DUSP10: variants seen among roughly 807,000 people sequenced by gnomAD.
DUSP10 encodes the protein dual specificity protein phosphatase 10.
In DUSP10, 14 loss-of-function variants were observed where a neutral mutation model predicts 30.8. The observed-to-expected ratio is 0.46, with a 90% CI of 0.30 to 0.71. The LOEUF (loss-of-function observed/expected upper bound fraction) is 0.71. Ranked by LOEUF, DUSP10 falls within the 30% of genes least tolerant of loss-of-function variation. The pLI is 0.08. For missense variants in DUSP10, 550 were observed against 619.4 expected (o/e 0.89, Z 1.19); for synonymous variants, 254 against 250.4 (o/e 1.01, Z -0.14).
chr1:221,738,902 G>C, intron 2 of DUSP10, 32 bp downstream of exon 2: 1 of 1,567,156 alleles, frequency 6.4e-7, no homozygotes. Flanking sequence ...GGCTAATCAG[G>C]ACCGTGCTTG....
intron 3 of DUSP10, among the ~76,000 whole-genome samples, chr1:221,705,439 C>T (rs1175651778): frequency 1.3e-5 from 2 of 152,152 alleles, no homozygotes; most frequent in East Asian, 3.8e-4. Flanking sequence ...CAGTTTGGGG[C>T]TATAGAAGTT....
intron 2 of DUSP10, among the ~76,000 whole-genome samples, chr1:221,731,157 A>C (rs1661578912): frequency 6.6e-6 from 1 of 152,224 alleles, no homozygotes; most frequent in African/African-American, 2.4e-5. Context: ...TGAGGGATTC[A>C]AATCTTCCTC....
intron 2 of DUSP10, among the ~76,000 whole-genome samples, chr1:221,707,689 G>A (rs1458917781): frequency 6.6e-6 from 1 of 151,948 alleles, no homozygotes; most frequent in Non-Finnish European, 1.5e-5. Flanking sequence ...AAAAGGCCAA[G>A]TAAAACACAA....
rs186085197 is a variant in DUSP10, at chr1:221,705,715, C to T, written c.1183+380G>A. 7.9e-4 allele frequency among the ~76,000 whole-genome samples: 121 copies of T among 152,290 alleles called. 1 individual carries two copies. Among genetic ancestry groups the T allele is most frequent in the Non-Finnish European group, 1.3e-3 (87 of 68,020 alleles). On this transcript the variant is annotated intron_variant, in intron 3 of 3. Coordinates refer to ENST00000366899, the MANE Select transcript of DUSP10 (RefSeq NM_007207.6). ...TAGATATTGCTTCCAAGGTGCTCAACGGCGCTAGTAGATCAAGTAGCAGTA... is the reference window on the plus strand; with the variant it reads ...TAGATATTGCTTCCAAGGTGCTCAATGGCGCTAGTAGATCAAGTAGCAGTA...
chr1:221,706,716 C>G lies in DUSP10; in HGVS notation c.812-250G>C, dbSNP rs867498886. ...GGAACACTTTGGAAATGTGCTCTTT[C>G]TACAAATGAGGGCATGTTCCCCTAG... On this transcript the variant is annotated intron_variant, in intron 2 of 3. Coordinates refer to ENST00000366899, the MANE Select transcript of DUSP10 (RefSeq NM_007207.6). This position sits in a 1 kb window ranked among gnomAD's most constrained non-coding sequence, Gnocchi z 4.6. Among the ~76,000 whole-genome samples, 9 of 152,290 alleles carry G rather than the reference C, an allele frequency of 5.9e-5. No individual in the cohort carries two copies. In the South Asian group the frequency reaches 6.2e-4, roughly 11 times the overall value.
chr1:221,736,990 C>T (rs1661794409), intron 2 of DUSP10: 1 of 985,498 alleles, frequency 1.0e-6, no homozygotes, highest in Non-Finnish European at 1.2e-6. Flanking sequence ...CTTACTCTGA[C>T]ACTGAGGAAG....
At chr1:221,727,359 A>T (rs766259921) in intron 2 of DUSP10, among the ~76,000 whole-genome samples, 2 of 152,240 alleles carry the variant, frequency 1.3e-5, no homozygotes, top group Non-Finnish European at 2.9e-5. Context: ...AGGATTATAT[A>T]CTGGTTGGGC....
chr1:221,737,584 A>G (rs1661815665), intron 2 of DUSP10: 2 of 497,216 alleles, frequency 4.0e-6, no homozygotes, highest in Non-Finnish European at 5.2e-6. Context: ...CTCTCTACAT[A>G]CAATTCTTTC....
intron 2 of DUSP10, 111 bp downstream of exon 2, chr1:221,738,823 C>T: frequency 7.4e-7 from 1 of 1,343,856 alleles, no homozygotes; most frequent in Non-Finnish European, 1.0e-6. Flanking sequence ...AGAATAAAGT[C>T]TATTTTGGTC....
chr1:221,722,403 T>C (rs1490401475), intron 2 of DUSP10, among the ~76,000 whole-genome samples: 1 of 152,232 alleles, frequency 6.6e-6, no homozygotes, highest in African/African-American at 2.4e-5. Flanking sequence ...CCACAGTCAA[T>C]GAGTGGCAGA....
In DUSP10 at chr1:221,739,333, A is replaced by G. The variant is rs139403142; in HGVS notation, c.412T>C (p.Ser138Pro). The part of the protein sequence containing the change: ...SPSSGVGSPV[S>P]GTPKQLASIK... ...CTGGCTAGCTGCTTGGGGGTCCCTGACACAGGGCTGCCCACCCCACTTGAT... is the reference window on the plus strand; with the variant it reads ...CTGGCTAGCTGCTTGGGGGTCCCTGGCACAGGGCTGCCCACCCCACTTGAT... The change falls in exon 2 of 4, where the codon TCA becomes CCA. Residue 138 changes from serine to proline, a missense_variant. Physicochemically the swap from Ser to Pro is moderately conservative, Grantham distance 74. Coordinates refer to ENST00000366899, the MANE Select transcript of DUSP10 (RefSeq NM_007207.6). 36 of 1,614,068 alleles carry G rather than the reference A, an allele frequency of 2.2e-5. No individual in the cohort carries two copies. The African/African-American group carries it at 4.5e-4, about 20-fold the overall frequency.
At chr1:221,711,926 G>A (rs1660948064) in intron 2 of DUSP10, 1 of 152,248 alleles carries the variant, frequency 6.6e-6, no homozygotes, top group Admixed American at 6.5e-5. Context: ...ATGAACTGGA[G>A]CTGATGTCAG....
chr1:221,726,700 A>AG (rs1437163824), intron 2 of DUSP10, among the ~76,000 whole-genome samples: 28 of 137,976 alleles, frequency 2.0e-4, no homozygotes, highest in African/African-American at 8.3e-4. Context: ...GCACTATTTC[A>AG]GGAAAAAAAA....
Position 221,702,382 on chromosome 1 carries a change from G to C in DUSP10, c.*30C>G, listed in dbSNP as rs995477904. ...TCCTTCCTCATTGTCTCCTAATGGA[G>C]AGCAGCAATCCTTTCCATCCAGACC... On this transcript the variant is annotated 3_prime_UTR_variant, in exon 4 of 4. Coordinates refer to ENST00000366899, the MANE Select transcript of DUSP10 (RefSeq NM_007207.6). The surrounding 1 kb of genome is among the most constrained non-coding windows in gnomAD (Gnocchi z 4.5). The C allele has an allele frequency of 1.2e-6, 2 of 1,606,660 alleles. No individual in the cohort carries two copies. Among genetic ancestry groups the C allele is most frequent in the Admixed American group, 1.7e-5 (1 of 59,334 alleles).
At position 221,709,332 on chromosome 1, in the gene DUSP10, G is replaced by A. The variant is rs12120644; in HGVS notation, c.812-2866C>T. Among the ~76,000 whole-genome samples the A allele has an allele frequency of 1.3e-5, 2 of 152,096 alleles. 1 individual carries two copies. The highest frequency in any genetic ancestry group is 4.2e-4 in the South Asian group (2 of 4,806). On this transcript the variant is annotated intron_variant, in intron 2 of 3. Coordinates refer to ENST00000366899, the MANE Select transcript of DUSP10 (RefSeq NM_007207.6). ...TGGGGGGAAAAAAACCCGTGGCGGA[G>A]TGGGGGGAGGAGGGAATTTGAGACA...
intron 2 of DUSP10, among the ~76,000 whole-genome samples, chr1:221,737,977 C>T (rs535515759): frequency 5.9e-5 from 9 of 152,266 alleles, no homozygotes; most frequent in Non-Finnish European, 8.8e-5. Flanking sequence ...AGAGAGAAGA[C>T]GACTATCTCT....
chr1:221,728,773 G>T (rs747513392), intron 2 of DUSP10, among the ~76,000 whole-genome samples: 1 of 152,144 alleles, frequency 6.6e-6, no homozygotes, highest in African/African-American at 2.4e-5. Context: ...CATCATACTC[G>T]TCACAGATTC....
chr1:221,703,231 A>G (rs1441454477), intron 3 of DUSP10, among the ~76,000 whole-genome samples: 1 of 152,072 alleles, frequency 6.6e-6, no homozygotes, highest in African/African-American at 2.4e-5. Context: ...ATATATATAT[A>G]TATGCAGTTC....
At chr1:221,740,246 A>C (rs1326214770) in intron 1 of DUSP10, among the ~76,000 whole-genome samples, 1 of 152,236 alleles carries the variant, frequency 6.6e-6, no homozygotes, top group Non-Finnish European at 1.5e-5. Context: ...CTGCAAAGGC[A>C]AAGGGGTAAC....
Sources: gnomAD v4.1 joint callset for allele counts (sites outside exome capture counted in the v4.1 genomes callset) on GRCh38, gnomAD v4.1.1 for gene constraint, Gnocchi (gnomAD v3.1) non-coding constraint, MANE v1.5 for transcripts, NCBI Gene and HGNC (gene_info 2026-07-23, HGNC 2026-07-21) for gene names.